ADGRV1: variants seen among roughly 807,000 people sequenced by gnomAD.
ADGRV1 encodes G-protein coupled receptor 98.
In ADGRV1, 359 loss-of-function variants were observed where a neutral mutation model predicts 596.2. The observed-to-expected ratio is 0.60, with a 90% CI of 0.55 to 0.66. The LOEUF (loss-of-function observed/expected upper bound fraction) is 0.66. ADGRV1 is among the 30% of genes least tolerant of loss of function. The pLI is 0.00. For synonymous variants in ADGRV1, 2,681 were observed against 2,679.2 expected (o/e 1.00, Z -0.02); for missense variants, 7,274 against 7,575.6 (o/e 0.96, Z 1.48).
chr5:90,992,854 G>A (rs1369143517), intron 85 of ADGRV1, among the ~76,000 whole-genome samples: 1 of 151,950 alleles, frequency 6.6e-6, no homozygotes, highest in East Asian at 1.9e-4. Flanking sequence ...CTTGTTTTAT[G>A]TCAATTCTTT....
Position 91,072,464 on chromosome 5 carries a change from T to G in ADGRV1, c.18170T>G (p.Val6057Gly). The change falls in exon 86 of 90, where the codon GTC (valine) becomes GGC (glycine). Residue 6057 changes from valine (V) to glycine (G), a missense_variant. Val to Gly is a moderately radical substitution (Grantham distance 109, BLOSUM62 -3). Coordinates refer to ENST00000405460, the MANE Select transcript of ADGRV1 (RefSeq NM_032119.4). ...IHGDLCFIPN[V>G]YAALFTAALV... is the part of the protein sequence containing the mutation. ...TCTTCCAGGTGTTTTATTCCAAACG[T>G]CTATGCTGCTTTGTTCACTGCAGCT... 6.2e-7 allele frequency: 1 copy of G among 1,613,758 alleles called. No individual in the cohort carries two copies. Among genetic ancestry groups the G allele is most frequent in the Non-Finnish European group, 8.5e-7 (1 of 1,179,680 alleles).
intron 49 of ADGRV1, 92 bp from the exon 50 acceptor site, chr5:90,729,550 C>A: frequency 1.0e-6 from 1 of 989,064 alleles, no homozygotes; most frequent in Non-Finnish European, 1.5e-6. Context: ...AAATTTGTTT[C>A]TTGATATTTT....
rs867682836 is a variant in ADGRV1, at chr5:90,576,566, A to G, written c.22+17649A>G. 3.3e-4 allele frequency among the ~76,000 whole-genome samples: 50 copies of G among 152,286 alleles called. 1 individual carries two copies. The highest frequency in any genetic ancestry group is 1.1e-3 in the African/African-American group (47 of 41,554). On this transcript the variant is annotated intron_variant, in intron 1 of 89. Transcript: ENST00000405460. ...TTTTGCTATTGTGAATAGTGCCGCA[A>G]CAAAAATACGTGTGCATGTGTCTTT...
At chr5:91,032,331 A>G (rs1393952001) in intron 85 of ADGRV1, among the ~76,000 whole-genome samples, 1 of 152,214 alleles carries the variant, frequency 6.6e-6, no homozygotes, top group Non-Finnish European at 1.5e-5. Context: ...TCTGATTTAT[A>G]GTTTTAAATA....
rs1384922753 is a variant in ADGRV1, at chr5:90,685,912, C to T, written c.6407C>T (p.Pro2136Leu). Residue 2136 changes from proline to leucine, a missense_variant, in exon 29 of 90, where the codon CCC (proline) becomes CTC (leucine). Pro to Leu is a moderately conservative substitution (Grantham distance 98). Transcript: ENST00000405460. ...CGAGTGGCAGAAAATCATGTTGGAC[C>T]CATTATCAATGTGACTAGAACAGGA... Reference protein sequence around the residue: ...IVRVAENHVGPIINVTRTGGA... With the variant: ...IVRVAENHVGLIINVTRTGGA... 1 of 1,610,968 alleles carries T rather than the reference C, an allele frequency of 6.2e-7. No homozygotes were observed. Among genetic ancestry groups the T allele is most frequent in the Non-Finnish European group, 8.5e-7 (1 of 1,178,010 alleles).
At chr5:90,801,803 G>A (rs988553028) in intron 70 of ADGRV1, among the ~76,000 whole-genome samples, 1 of 152,088 alleles carries the variant, frequency 6.6e-6, no homozygotes, top group Non-Finnish European at 1.5e-5. Flanking sequence ...CAAGACCAAC[G>A]TTTCTATGGG....
At chr5:90,748,658 T>C (rs767847064) in intron 52 of ADGRV1, among the ~76,000 whole-genome samples, 11 of 152,128 alleles carry the variant, frequency 7.2e-5, no homozygotes, top group Non-Finnish European at 1.3e-4. Flanking sequence ...GGTACTCACT[T>C]GTTTCTTCAC....
At chr5:90,962,990 A>C (rs1197232693) in intron 83 of ADGRV1, among the ~76,000 whole-genome samples, 1 of 152,214 alleles carries the variant, frequency 6.6e-6, no homozygotes, top group Admixed American at 6.5e-5. Context: ...ACTTATAAAT[A>C]GTTTCATAGA....
At chr5:90,934,731 A>G (rs933949977) in intron 83 of ADGRV1, among the ~76,000 whole-genome samples, 2 of 152,238 alleles carry the variant, frequency 1.3e-5, no homozygotes, top group Non-Finnish European at 2.9e-5. Context: ...GACTTAAACA[A>G]CAGAAATTTA....
chr5:90,773,637 C>G (rs1400861994), intron 59 of ADGRV1, among the ~76,000 whole-genome samples: 3 of 152,146 alleles, frequency 2.0e-5, no homozygotes, highest in Non-Finnish European at 2.9e-5. Flanking sequence ...AGGTCTTAGA[C>G]AGAAAAACTA....
intron 21 of ADGRV1, among the ~76,000 whole-genome samples, chr5:90,666,679 T>A (rs1424604565): frequency 1.3e-5 from 2 of 150,864 alleles, no homozygotes; most frequent in African/African-American, 4.9e-5. Flanking sequence ...ATTTTGCTTG[T>A]TAGTTGATGC....
chr5:91,160,670 C>G (rs1796867895), intron 89 of ADGRV1, among the ~76,000 whole-genome samples: 1 of 152,156 alleles, frequency 6.6e-6, no homozygotes, highest in South Asian at 2.1e-4. Context: ...ATGGAAACAC[C>G]TTTCAGAAAA....
chr5:90,568,533 A>G (rs942448795), intron 1 of ADGRV1, among the ~76,000 whole-genome samples: 2 of 152,130 alleles, frequency 1.3e-5, no homozygotes, highest in Non-Finnish European at 2.9e-5. Flanking sequence ...GACCTTACAT[A>G]TTATCTCTTC....
At chr5:90,824,548 T>A (rs1763906851) in intron 76 of ADGRV1, among the ~76,000 whole-genome samples, 1 of 152,208 alleles carries the variant, frequency 6.6e-6, no homozygotes, top group African/African-American at 2.4e-5. Context: ...CATCATTGTT[T>A]TTTGCTTTTC....
At chr5:90,563,367 CAT>C (rs1021299274) in intron 1 of ADGRV1, among the ~76,000 whole-genome samples, 1 of 152,226 alleles carries the variant, frequency 6.6e-6, no homozygotes, top group Non-Finnish European at 1.5e-5. Context: ...TTCTCTCCAG[CAT>C]AGTTATTGTT....
At chr5:91,001,959 T>A (rs1781889447) in intron 85 of ADGRV1, among the ~76,000 whole-genome samples, 1 of 152,204 alleles carries the variant, frequency 6.6e-6, no homozygotes. Flanking sequence ...TTATTTTTGC[T>A]TGATATTATT....
intron 83 of ADGRV1, among the ~76,000 whole-genome samples, chr5:90,864,395 A>G (rs1767893185): frequency 2.0e-5 from 3 of 152,210 alleles, no homozygotes; most frequent in Admixed American, 6.5e-5. Flanking sequence ...TGTGTAAAGC[A>G]CAGAAACCAG....
chr5:91,115,410 G>T (rs1253005327), intron 87 of ADGRV1, among the ~76,000 whole-genome samples: 5 of 152,154 alleles, frequency 3.3e-5, no homozygotes, highest in Non-Finnish European at 7.3e-5. Context: ...TACCTTTTAA[G>T]GCATATACTC....
intron 40 of ADGRV1, 26 bp downstream of exon 40, chr5:90,711,085 C>A: frequency 1.3e-6 from 2 of 1,583,360 alleles, no homozygotes; most frequent in Non-Finnish European, 1.7e-6. Flanking sequence ...CATGAGAGCC[C>A]TCTTCTGGGT....
Sources: gnomAD v4.1 joint callset for allele counts (sites outside exome capture counted in the v4.1 genomes callset) on GRCh38, gnomAD v4.1.1 for gene constraint, MANE v1.5 for transcripts, NCBI Gene and HGNC (gene_info 2026-07-23, HGNC 2026-07-21) for gene names.